MAP2: variants seen among roughly 807,000 people sequenced by gnomAD.
MAP2 encodes the protein microtubule-associated protein 2.
MAP2 carries 14 observed loss-of-function variants against 137.6 expected under a neutral mutation model. The ratio of observed to expected loss-of-function variants is 0.10; its 90% CI spans 0.07 to 0.16. The LOEUF is 0.16. MAP2 is among the 10% of genes least tolerant of loss of function. The pLI is 1.00. For missense variants in MAP2, 2,088 were observed against 2,191.5 expected (o/e 0.95, Z 0.94); for synonymous variants, 786 against 782.3 (o/e 1.00, Z -0.08).
At chr2:209,436,325 T>G (rs1441452315) in intron 1 of MAP2, among the ~76,000 whole-genome samples, 1 of 151,594 alleles carries the variant, frequency 6.6e-6, no homozygotes, top group Non-Finnish European at 1.5e-5. Flanking sequence ...AGCTATTTTA[T>G]CAAAGGGCCA....
At chr2:209,602,626 C>G (rs2083331215) in intron 3 of MAP2, among the ~76,000 whole-genome samples, 1 of 152,176 alleles carries the variant, frequency 6.6e-6, no homozygotes, top group Admixed American at 6.5e-5. Context: ...CACATTCACA[C>G]TGTGAATCTA....
chr2:209,679,573 A>T (rs2153686255), intron 6 of MAP2, among the ~76,000 whole-genome samples: 1 of 152,208 alleles, frequency 6.6e-6, no homozygotes, highest in South Asian at 2.1e-4. Flanking sequence ...TTACAGTCTA[A>T]TATATCCATG....
chr2:209,663,422 C>G (rs1014552682), intron 5 of MAP2, among the ~76,000 whole-genome samples: 1 of 152,256 alleles, frequency 6.6e-6, no homozygotes, highest in East Asian at 1.9e-4. Flanking sequence ...GCTCGTCTCA[C>G]TGAATGAGTC....
intron 2 of MAP2, among the ~76,000 whole-genome samples, chr2:209,569,092 C>G (rs1347450606): frequency 1.3e-5 from 2 of 151,618 alleles, no homozygotes; most frequent in Non-Finnish European, 3.0e-5. Context: ...TAAGTAAATA[C>G]TTTTTAAAAC....
At chr2:209,630,243 T>G (rs2092845315) in intron 4 of MAP2, among the ~76,000 whole-genome samples, 1 of 151,914 alleles carries the variant, frequency 6.6e-6, no homozygotes, top group African/African-American at 2.4e-5. Context: ...AATCAGGAAC[T>G]AAACATCAGC....
intron 2 of MAP2, among the ~76,000 whole-genome samples, chr2:209,566,364 A>C (rs1268115806): frequency 6.6e-6 from 1 of 152,174 alleles, no homozygotes; most frequent in East Asian, 1.9e-4. Flanking sequence ...TCTTCCTTGG[A>C]ACAATGTCCC....
chr2:209,683,291 A>G (rs1343303086), intron 7 of MAP2, among the ~76,000 whole-genome samples: 1 of 152,216 alleles, frequency 6.6e-6, no homozygotes, highest in Non-Finnish European at 1.5e-5. Flanking sequence ...ATTGAAAGTA[A>G]TTCAAAGTTA....
chr2:209,431,998 T>C (rs1395100591), intron 1 of MAP2, among the ~76,000 whole-genome samples: 1 of 152,192 alleles, frequency 6.6e-6, no homozygotes, highest in Non-Finnish European at 1.5e-5. Context: ...TCTGGGGATG[T>C]GTGCCCAGAC....
chr2:209,574,432 T>TACACACACACACACACACACAC lies in MAP2; in HGVS notation c.-171-5596_-171-5575dup, dbSNP rs57166815. 4.0e-3 allele frequency among the ~76,000 whole-genome samples: 597 copies of TACACACACACACACACACACAC among 148,764 alleles called. 2 individuals are homozygous for TACACACACACACACACACACAC. The highest frequency in any genetic ancestry group is 0.014 in the African/African-American group (579 of 40,454). ...CTTTTTTAGAGCTGCATAGTATAGA[T>TACACACACACACACACACACAC]ACACACACACACACACACACACACA... On this transcript the variant is annotated intron_variant, in intron 2 of 15. Transcript: ENST00000682079.
intron 13 of MAP2, among the ~76,000 whole-genome samples, chr2:209,716,791 A>G (rs1584444778): frequency 6.6e-6 from 1 of 152,136 alleles, no homozygotes; most frequent in East Asian, 1.9e-4. Flanking sequence ...GTTTTTGTAT[A>G]TAGCACCATT....
chr2:209,504,731 G>T (rs541094444), intron 1 of MAP2, among the ~76,000 whole-genome samples: 3 of 151,872 alleles, frequency 2.0e-5, no homozygotes, highest in Non-Finnish European at 4.4e-5. Context: ...GTACATTCGC[G>T]TTGCTGTGCA....
chr2:209,660,927 G>C (rs2043283928), intron 5 of MAP2, among the ~76,000 whole-genome samples: 1 of 139,224 alleles, frequency 7.2e-6, no homozygotes, highest in Non-Finnish European at 1.5e-5. Context: ...TTTTTTTTTA[G>C]TAGAGACAGG....
chr2:209,620,807 A>G (rs2090916803), intron 3 of MAP2, among the ~76,000 whole-genome samples: 1 of 152,224 alleles, frequency 6.6e-6, no homozygotes, highest in Non-Finnish European at 1.5e-5. Flanking sequence ...GGTCAGATTG[A>G]TAGTGGAGGT....
chr2:209,576,140 G>C (rs148592622), intron 2 of MAP2, among the ~76,000 whole-genome samples: 1 of 152,272 alleles, frequency 6.6e-6, no homozygotes, highest in East Asian at 1.9e-4. Flanking sequence ...GATTCTTAAA[G>C]ATCAGGCATC....
At chr2:209,616,333 C>T (rs937303717) in intron 3 of MAP2, among the ~76,000 whole-genome samples, 1 of 152,208 alleles carries the variant, frequency 6.6e-6, no homozygotes, top group Non-Finnish European at 1.5e-5. Flanking sequence ...GAAGGCTTAA[C>T]CAATATTACA....
chr2:209,648,499 T>A lies in MAP2; in HGVS notation c.-29-4643T>A, dbSNP rs116689194. ...AAAAAGTAAGATTCCCATTGCAATA[T>A]ATTATAAATTGTAAATCATTGTTTT... On this transcript the variant is annotated intron_variant, in intron 4 of 15. Transcript: ENST00000682079. Among the ~76,000 whole-genome samples, 801 of 151,888 alleles carry A rather than the reference T, an allele frequency of 5.3e-3. 14 individuals carry two copies. Among genetic ancestry groups the A allele is most frequent in the African/African-American group, 0.018 (750 of 41,422 alleles).
chr2:209,582,664 TAGATAGATA>T (rs2076730239), intron 3 of MAP2, among the ~76,000 whole-genome samples: 1 of 24,210 alleles, frequency 4.1e-5, no homozygotes, highest in Non-Finnish European at 9.3e-4. Flanking sequence ...AGATGATAGA[TAGATAGATA>T]GATAGATAGA....
rs779707404 is a variant in MAP2, at chr2:209,694,483, A to G, written c.2313A>G (p.Lys771=). 1 of 1,614,108 alleles carries G rather than the reference A, an allele frequency of 6.2e-7. No individual in the cohort carries two copies. Among genetic ancestry groups the G allele is most frequent in the South Asian group, 1.1e-5 (1 of 91,080 alleles). The change falls in exon 8 of 16, where the codon AAA becomes AAG. Residue 771 remains lysine, a synonymous_variant. Coordinates refer to ENST00000682079, the MANE Select transcript of MAP2 (RefSeq NM_001375505.1). Reference sequence around the variant, plus strand: ...GCAAAGAGGAAGAACAGATAGAGAAAGTAAAAGCTACTGGAGAAGAAAGTA... The same window carrying G: ...GCAAAGAGGAAGAACAGATAGAGAAGGTAAAAGCTACTGGAGAAGAAAGTA... ...VESKEEEQIE[K]VKATGEESTQ...
chr2:209,692,125 C>G (rs2059069585), intron 7 of MAP2, among the ~76,000 whole-genome samples: 1 of 151,996 alleles, frequency 6.6e-6, no homozygotes, highest in South Asian at 2.1e-4. Flanking sequence ...GGCCCTCTGC[C>G]CATAGCCTAC....
Sources: allele counts gnomAD v4.1 joint callset (sites outside exome capture counted in the v4.1 genomes callset), GRCh38; gene constraint gnomAD v4.1.1; transcripts MANE v1.5; gene names NCBI Gene and HGNC (gene_info 2026-07-23, HGNC 2026-07-21).